The following GUCY1A2 variants were observed in gnomAD, a reference collection of about 807,000 sequenced individuals.
The protein encoded by GUCY1A2 is guanylate cyclase 1 soluble subunit alpha 2.
Under a neutral mutation model 63.5 loss-of-function variants are expected in GUCY1A2, and 27 were observed. The observed-to-expected ratio is 0.43, with a 90% confidence interval of 0.31 to 0.59. GUCY1A2 has a LOEUF of 0.59. Ranked by LOEUF, GUCY1A2 falls within the 20% of genes least tolerant of loss-of-function variation. The pLI is 0.11. For missense variants in GUCY1A2, 768 were observed against 913.3 expected, an observed-to-expected ratio of 0.84 and a Z score of 2.05; for synonymous variants, 364 against 343.5, an observed-to-expected ratio of 1.06 and a Z score of -0.66.
chr11:106,849,415 G>A (rs967882892), intron 4 of GUCY1A2, among the ~76,000 whole-genome samples: 2 of 150,548 alleles, frequency 1.3e-5, no homozygotes, highest in African/African-American at 2.4e-5. Flanking sequence ...GTAATTATAA[G>A]CAAATTATAG....
intron 4 of GUCY1A2, chr11:106,824,929 C>G (rs1175367925): frequency 1.9e-5 from 30 of 1,611,672 alleles, no homozygotes; most frequent in Non-Finnish European, 2.4e-5. Flanking sequence ...AATACAGGAG[C>G]TAAGAAAAGA....
At chr11:106,851,319 T>A (rs1203270955) in intron 4 of GUCY1A2, among the ~76,000 whole-genome samples, 2 of 151,954 alleles carry the variant, frequency 1.3e-5, no homozygotes, top group Non-Finnish European at 2.9e-5. Flanking sequence ...TAACTGTTGA[T>A]TCTTTCCTTT....
intron 6 of GUCY1A2, among the ~76,000 whole-genome samples, chr11:106,731,693 G>C (rs1863509037): frequency 6.6e-6 from 1 of 152,022 alleles, no homozygotes. Flanking sequence ...CAAAGTTTCA[G>C]GATACAAAAT....
rs1861846400 is a variant in GUCY1A2, at chr11:107,017,845, C to T, written c.211G>A (p.Ala71Thr). Residue 71 changes from alanine (A) to threonine (T), a missense_variant, in exon 1 of 8, where the codon GCT becomes ACT. Around this residue, in one of 3 missense-constraint regions of GUCY1A2, gnomAD observed 496 missense variants for 486.9 expected, o/e 1.02. Coordinates refer to ENST00000526355, the MANE Select transcript of GUCY1A2 (RefSeq NM_000855.3). The stretch of plus-strand genomic sequence containing the variant: ...ACCCTCCTGGCCCCGGCAGTGGCAG[C>T]GGCGGCGGCGGCAGAAGCAGCCGGG... ...PTPAASAAAA[A>T]ATAGARRVQR... 1 of 1,244,600 alleles carries T rather than the reference C, an allele frequency of 8.0e-7. No individual in the cohort carries two copies. The allele number at this position is 1,244,600 out of a possible 1,614,324, so 77.1% of individuals were successfully genotyped here.
intron 4 of GUCY1A2, among the ~76,000 whole-genome samples, chr11:106,929,362 A>G (rs923685965): frequency 1.3e-5 from 2 of 152,184 alleles, no homozygotes; most frequent in African/African-American, 2.4e-5. Flanking sequence ...TTTTAAACAT[A>G]CTTTATTGAG....
intron 1 of GUCY1A2, 64 bp downstream of exon 1, chr11:107,017,689 C>A (rs1253819130): frequency 2.9e-6 from 3 of 1,049,192 alleles, no homozygotes; most frequent in Non-Finnish European, 3.8e-6. Context: ...GCTCGCCCAG[C>A]GCCAACTTTA....
At chr11:106,983,894 G>A (rs1861368396) in intron 2 of GUCY1A2, among the ~76,000 whole-genome samples, 4 of 152,188 alleles carry the variant, frequency 2.6e-5, no homozygotes, top group Admixed American at 2.6e-4. Flanking sequence ...TTCACAATTA[G>A]AGATAGGAAG....
chr11:106,791,999 G>GA (rs58278970), intron 5 of GUCY1A2, among the ~76,000 whole-genome samples: 3 of 151,688 alleles, frequency 2.0e-5, no homozygotes, highest in East Asian at 3.9e-4. Context: ...AATAAAAAAA[G>GA]AAAAAAAACT....
At chr11:106,737,936 G>T (rs1863620274) in intron 6 of GUCY1A2, among the ~76,000 whole-genome samples, 2 of 152,134 alleles carry the variant, frequency 1.3e-5, no homozygotes, top group Non-Finnish European at 1.5e-5. Flanking sequence ...GGGTCAAATG[G>T]TAATTCTGGT....
chr11:106,907,123 T>A (rs1419814958), intron 4 of GUCY1A2, among the ~76,000 whole-genome samples: 3 of 152,036 alleles, frequency 2.0e-5, no homozygotes, highest in Non-Finnish European at 2.9e-5. Context: ...GCTCCACTGA[T>A]GAACTGACAC....
intron 4 of GUCY1A2, among the ~76,000 whole-genome samples, chr11:106,889,141 C>A (rs1859941454): frequency 6.6e-6 from 1 of 152,132 alleles, no homozygotes. Context: ...TTTCCACTTT[C>A]TATTAGTCAT....
chr11:106,826,365 T>C (rs2135433605), intron 4 of GUCY1A2: 4 of 1,503,082 alleles, frequency 2.7e-6, no homozygotes, highest in South Asian at 1.3e-5. Context: ...TTTGGAACTT[T>C]ATATGATTCT....
At chr11:106,979,790 G>A (rs1565349793) in intron 2 of GUCY1A2, among the ~76,000 whole-genome samples, 1 of 152,122 alleles carries the variant, frequency 6.6e-6, no homozygotes, top group African/African-American at 2.4e-5. Flanking sequence ...TCTTCTTCAG[G>A]ACTTAAGAGG....
At chr11:106,839,662 T>C (rs1370439373) in intron 4 of GUCY1A2, among the ~76,000 whole-genome samples, 2 of 151,940 alleles carry the variant, frequency 1.3e-5, no homozygotes, top group South Asian at 2.1e-4. Flanking sequence ...ATATACACCA[T>C]GGAATACTAT....
At chr11:106,985,251 T>C (rs1269328993) in intron 2 of GUCY1A2, among the ~76,000 whole-genome samples, 1 of 152,208 alleles carries the variant, frequency 6.6e-6, no homozygotes, top group Non-Finnish European at 1.5e-5. Flanking sequence ...ATATAAAGAA[T>C]ACTAACAAGG....
intron 1 of GUCY1A2, among the ~76,000 whole-genome samples, chr11:106,998,042 G>A (rs1054513979): frequency 6.6e-6 from 1 of 152,048 alleles, no homozygotes; most frequent in Non-Finnish European, 1.5e-5. Flanking sequence ...GTATAGTTGG[G>A]CAAAGTCCTG....
chr11:106,741,000 G>T (rs1863685661), intron 6 of GUCY1A2, among the ~76,000 whole-genome samples: 1 of 152,124 alleles, frequency 6.6e-6, no homozygotes, highest in Non-Finnish European at 1.5e-5. Context: ...AGTTAGTCTA[G>T]CTGCACAGTC....
At chr11:106,945,384 AC>A (rs1338710599) in intron 3 of GUCY1A2, among the ~76,000 whole-genome samples, 2 of 54,090 alleles carry the variant, frequency 3.7e-5, no homozygotes, top group Non-Finnish European at 6.8e-5. Context: ...ATGAAAAAAA[AC>A]AAAAACAAAA....
chr11:106,990,002 A>G (rs1186758759), intron 1 of GUCY1A2, among the ~76,000 whole-genome samples: 1 of 152,230 alleles, frequency 6.6e-6, no homozygotes, highest in African/African-American at 2.4e-5. Context: ...TTATAGCCCT[A>G]TGCTGGAGGA....
Sources: allele counts gnomAD v4.1 joint callset (sites outside exome capture counted in the v4.1 genomes callset), GRCh38; gene constraint gnomAD v4.1.1; regional missense constraint gnomAD v4.1.1; transcripts MANE v1.5; gene names NCBI Gene and HGNC (gene_info 2026-07-23, HGNC 2026-07-21).